Variants in LOC400499 observed in about 807,000 individuals in gnomAD.
the LOC400499 span, among the ~76,000 whole-genome samples, chr16:11,414,971 G>A: frequency 6.6e-6 from 1 of 152,174 alleles, no homozygotes; most frequent in African/African-American, 2.4e-5. Context: ...TTTCCCTTAG[G>A]ACAGCTCCTG....
the LOC400499 span, among the ~76,000 whole-genome samples, chr16:11,479,139 G>C: frequency 6.6e-6 from 1 of 152,172 alleles, no homozygotes; most frequent in African/African-American, 2.4e-5. Flanking sequence ...GGAAGGGGTG[G>C]CTGAAGAGAA....
the LOC400499 span, among the ~76,000 whole-genome samples, chr16:11,381,732 T>C: frequency 6.6e-6 from 1 of 152,218 alleles, no homozygotes; most frequent in Non-Finnish European, 1.5e-5. Flanking sequence ...AACCTCATGC[T>C]TATTTTCTCT....
chr16:11,383,618 T>G, the LOC400499 span: 2 of 1,231,952 alleles, frequency 1.6e-6, no homozygotes, highest in African/African-American at 3.1e-5. Context: ...CGGGGCAGAG[T>G]GCTAGATGGC....
chr16:11,424,422 AT>A, the LOC400499 span: 1 of 398,950 alleles, frequency 2.5e-6, no homozygotes, highest in African/African-American at 2.1e-5. Context: ...TTTAGTCAGG[AT>A]GGGAACATGA....
the LOC400499 span, chr16:11,448,960 G>A: frequency 3.3e-6 from 5 of 1,504,042 alleles, no homozygotes; most frequent in East Asian, 7.4e-5. Context: ...TTCAGCTCCT[G>A]CTGGGGGCCT....
the LOC400499 span, among the ~76,000 whole-genome samples, chr16:11,381,770 TG>T: frequency 6.6e-6 from 1 of 152,194 alleles, no homozygotes; most frequent in African/African-American, 2.4e-5. Flanking sequence ...CTGTTGCTGG[TG>T]GGAGATCAGT....
chr16:11,490,252 C>T, the LOC400499 span, among the ~76,000 whole-genome samples: 15 of 151,886 alleles, frequency 9.9e-5, 1 homozygote, highest in South Asian at 3.1e-3. Flanking sequence ...AAAAATTAGC[C>T]GGGCATGGTG....
chr16:11,504,973 G>A, the LOC400499 span, among the ~76,000 whole-genome samples: 1 of 152,046 alleles, frequency 6.6e-6, no homozygotes, highest in African/African-American at 2.4e-5. Flanking sequence ...TTAGTAAGGA[G>A]CTTTTACTAT....
At chr16:11,393,618 C>T in the LOC400499 span, 1 of 1,214,110 alleles carries the variant, frequency 8.2e-7, no homozygotes. Context: ...CTGGTCTCTC[C>T]CCTGCCCGCC....
At chr16:11,464,572 G>C in the LOC400499 span, among the ~76,000 whole-genome samples, 6 of 152,190 alleles carry the variant, frequency 3.9e-5, no homozygotes, top group Admixed American at 3.3e-4. Flanking sequence ...CATTAGCTTT[G>C]AGACAAGTTG....
At chr16:11,505,545 C>T in the LOC400499 span, among the ~76,000 whole-genome samples, 1 of 148,896 alleles carries the variant, frequency 6.7e-6, no homozygotes, top group African/African-American at 2.5e-5. Context: ...CCTTAACCTC[C>T]CAGGCTCAAG....
the LOC400499 span, chr16:11,523,729 T>C: frequency 2.9e-6 from 1 of 339,364 alleles, no homozygotes; most frequent in East Asian, 4.4e-5. Flanking sequence ...CTGCCAATCA[T>C]TCGTGCTTCC....
the LOC400499 span, among the ~76,000 whole-genome samples, chr16:11,498,054 T>C: frequency 2.0e-5 from 3 of 152,072 alleles, no homozygotes; most frequent in South Asian, 2.1e-4. Context: ...CAACCCTCCC[T>C]GAAAAGCTAA....
chr16:11,518,235 C>T, the LOC400499 span, among the ~76,000 whole-genome samples: 1 of 152,334 alleles, frequency 6.6e-6, no homozygotes, highest in East Asian at 1.9e-4. Flanking sequence ...TATCCCTAGA[C>T]AAAGGCTTTC....
the LOC400499 span, among the ~76,000 whole-genome samples, chr16:11,410,003 G>C: frequency 6.6e-6 from 1 of 152,208 alleles, no homozygotes; most frequent in Non-Finnish European, 1.5e-5. Flanking sequence ...AATGGAGCCA[G>C]GTGTGGTGGT....
the LOC400499 span, among the ~76,000 whole-genome samples, chr16:11,495,597 G>A: frequency 2.0e-5 from 3 of 151,970 alleles, no homozygotes; most frequent in Non-Finnish European, 4.4e-5. Context: ...CCAGGCTGGT[G>A]GTGAACCCCT....
the LOC400499 span, chr16:11,384,831 G>C: frequency 1.6e-6 from 2 of 1,224,892 alleles, no homozygotes; most frequent in Non-Finnish European, 1.0e-6. Flanking sequence ...GCTTAAAGGG[G>C]TGCATCCCAA....
At chr16:11,455,256 T>A in the LOC400499 span, among the ~76,000 whole-genome samples, 1 of 152,134 alleles carries the variant, frequency 6.6e-6, no homozygotes, top group Admixed American at 6.5e-5. Context: ...TGGAAGAGAA[T>A]ATGTATTTGA....
chr16:11,437,981 C>A, the LOC400499 span, among the ~76,000 whole-genome samples: 1 of 152,208 alleles, frequency 6.6e-6, no homozygotes, highest in Admixed American at 6.5e-5. Flanking sequence ...CGCATGCGCT[C>A]TGAAACCAGA....
Sources: allele counts gnomAD v4.1 joint callset (sites outside exome capture counted in the v4.1 genomes callset), GRCh38; gene constraint gnomAD v4.1.1; transcripts MANE v1.5.